Variants in ELMO1 observed in about 807,000 individuals in gnomAD.
ELMO1 encodes engulfment and cell motility protein 1.
Under a neutral mutation model 98.9 loss-of-function variants are expected in ELMO1, and 26 were observed. That is an observed-to-expected ratio of 0.26 (90% CI 0.19 to 0.36). The LOEUF is 0.36. ELMO1 is among the 10% of genes least tolerant of loss of function. ELMO1 has a pLI of 1.00. For missense variants in ELMO1, 627 were observed against 935.2 expected (o/e 0.67, Z 4.30); for synonymous variants, 346 against 346.0 (o/e 1.00, Z 0.00).
intron 16 of ELMO1, among the ~76,000 whole-genome samples, chr7:36,900,767 G>A (rs1316875697): frequency 6.6e-6 from 1 of 152,190 alleles, no homozygotes; most frequent in East Asian, 1.9e-4. Flanking sequence ...ACGAGAAAAG[G>A]CTGTCTTAGG....
chr7:37,225,397 CAT>C (rs1238588886), intron 8 of ELMO1, among the ~76,000 whole-genome samples: 3 of 152,304 alleles, frequency 2.0e-5, no homozygotes, highest in East Asian at 1.9e-4. Context: ...GTAATGTCAA[CAT>C]ATGTTAATTG....
chr7:37,248,727 G>A (rs540144447), intron 6 of ELMO1, among the ~76,000 whole-genome samples: 5 of 152,358 alleles, frequency 3.3e-5, no homozygotes, highest in Admixed American at 2.0e-4. Flanking sequence ...AGTGCAAAAC[G>A]TGCATGGTGT....
chr7:37,079,592 C>T (rs1014710268), intron 15 of ELMO1, among the ~76,000 whole-genome samples: 1 of 152,160 alleles, frequency 6.6e-6, no homozygotes, highest in African/African-American at 2.4e-5. Flanking sequence ...CTCTCCTCCC[C>T]CACTCCGGTG....
intron 14 of ELMO1, among the ~76,000 whole-genome samples, chr7:37,099,511 A>G (rs1257622273): frequency 1.3e-5 from 2 of 152,202 alleles, no homozygotes; most frequent in Admixed American, 6.5e-5. Context: ...TTCAGTTTTA[A>G]GAGCAAATAT....
intron 4 of ELMO1, among the ~76,000 whole-genome samples, chr7:37,312,740 G>T (rs1798954343): frequency 6.6e-6 from 1 of 152,136 alleles, no homozygotes; most frequent in Non-Finnish European, 1.5e-5. Flanking sequence ...ACCACCAGGG[G>T]CCATCTACTA....
intron 13 of ELMO1, among the ~76,000 whole-genome samples, chr7:37,195,069 G>T (rs994494143): frequency 2.0e-5 from 3 of 152,164 alleles, no homozygotes; most frequent in South Asian, 2.1e-4. Flanking sequence ...TACAAACTAC[G>T]TGCTGAAACG....
intron 16 of ELMO1, among the ~76,000 whole-genome samples, chr7:36,975,285 C>T (rs1790425613): frequency 6.6e-6 from 1 of 151,938 alleles, no homozygotes; most frequent in African/African-American, 2.4e-5. Context: ...GCCTGGGCAA[C>T]ATGGTGAAAC....
chr7:36,906,023 A>C (rs1783934487), intron 16 of ELMO1, among the ~76,000 whole-genome samples: 1 of 152,224 alleles, frequency 6.6e-6, no homozygotes, highest in African/African-American at 2.4e-5. Context: ...AGATTTGATA[A>C]ACTTTTCCTA....
intron 13 of ELMO1, among the ~76,000 whole-genome samples, chr7:37,165,697 T>A (rs7797439): frequency 0.91 from 138,992 of 152,066 alleles, 63,939 homozygotes; most frequent in Non-Finnish European, 0.97. Context: ...CCACTTGATC[T>A]TGGTGGATAA....
At chr7:37,082,807 G>C (rs1002662544) in intron 15 of ELMO1, among the ~76,000 whole-genome samples, 3 of 152,192 alleles carry the variant, frequency 2.0e-5, no homozygotes, top group Admixed American at 1.3e-4. Flanking sequence ...ACACCTGCAT[G>C]GGAGAGGTAA....
intron 1 of ELMO1, among the ~76,000 whole-genome samples, chr7:37,370,353 C>T (rs940979677): frequency 6.6e-6 from 1 of 152,120 alleles, no homozygotes; most frequent in African/African-American, 2.4e-5. Flanking sequence ...AAGCATCAAC[C>T]ATCTGGTTCC....
At chr7:36,865,874 G>A (rs1802998881) in intron 20 of ELMO1, among the ~76,000 whole-genome samples, 3 of 152,232 alleles carry the variant, frequency 2.0e-5, no homozygotes, top group Admixed American at 2.0e-4. Context: ...CTGAATGAAT[G>A]AATGAATGGA....
chr7:37,096,148 T>TA (rs1784355546), intron 15 of ELMO1, among the ~76,000 whole-genome samples: 1 of 152,226 alleles, frequency 6.6e-6, no homozygotes, highest in African/African-American at 2.4e-5. Context: ...TTTTCTTTAA[T>TA]AATTTCTTCT....
At chr7:37,442,536 G>T (rs1299951253) in intron 1 of ELMO1, among the ~76,000 whole-genome samples, 1 of 152,120 alleles carries the variant, frequency 6.6e-6, no homozygotes, top group Non-Finnish European at 1.5e-5. Context: ...CATTCTTCTT[G>T]GCAAATACTG....
intron 8 of ELMO1, among the ~76,000 whole-genome samples, chr7:37,230,052 A>C (rs1794083522): frequency 6.6e-6 from 1 of 152,164 alleles, no homozygotes; most frequent in Non-Finnish European, 1.5e-5. Flanking sequence ...TTTACTTAAA[A>C]TATATTTAAA....
intron 16 of ELMO1, among the ~76,000 whole-genome samples, chr7:36,970,153 C>A (rs1386283779): frequency 6.6e-6 from 1 of 150,856 alleles, no homozygotes; most frequent in Non-Finnish European, 1.5e-5. Flanking sequence ...CACACACAAA[C>A]ACACACACAA....
intron 14 of ELMO1, 50 bp from the exon 15 acceptor site, chr7:37,096,777 C>T (rs1158046538): frequency 3.3e-6 from 5 of 1,503,334 alleles, no homozygotes. Flanking sequence ...TTGTGGAAAA[C>T]ATCAAGAATA....
rs115408744 is a variant in ELMO1, at chr7:37,398,177, T to C, written c.-74+50498A>G. On this transcript the variant is annotated intron_variant, in intron 1 of 21. Transcript: ENST00000310758. ...AGAATTTAACATTTAAATTTAAATT[T>C]TAAAAAGGATGGCCAATAATACACA... Among the ~76,000 whole-genome samples, 570 of 152,240 alleles carry C rather than the reference T, an allele frequency of 3.7e-3. 3 individuals are homozygous for C. Among genetic ancestry groups the C allele is most frequent in the African/African-American group, 0.013 (549 of 41,530 alleles).
At chr7:36,863,553 A>G (rs1156978609) in intron 20 of ELMO1, among the ~76,000 whole-genome samples, 3 of 152,272 alleles carry the variant, frequency 2.0e-5, no homozygotes, top group African/African-American at 7.2e-5. Context: ...ATTATCTGAA[A>G]GAACATTATG....
Sources: gnomAD v4.1 joint callset for allele counts (sites outside exome capture counted in the v4.1 genomes callset) on GRCh38, gnomAD v4.1.1 for gene constraint, MANE v1.5 for transcripts, NCBI Gene and HGNC (gene_info 2026-07-23, HGNC 2026-07-21) for gene names.